ZNF280D: variants seen among roughly 807,000 people sequenced by gnomAD.
ZNF280D encodes suppressor of hairy wing homolog 4.
Under a neutral mutation model 94.7 loss-of-function variants are expected in ZNF280D, and 39 were observed. The ratio of observed to expected loss-of-function variants is 0.41; its 90% CI spans 0.32 to 0.54. The LOEUF is 0.54. ZNF280D is among the 20% of genes least tolerant of loss of function. ZNF280D has a pLI of 0.22. For synonymous variants in ZNF280D, 398 were observed against 377.6 expected (o/e 1.05, Z -0.63); for missense variants, 1,090 against 1,149.3 (o/e 0.95, Z 0.75).
intron 3 of ZNF280D, among the ~76,000 whole-genome samples, chr15:56,704,824 T>C (rs1482269332): frequency 6.6e-6 from 1 of 151,696 alleles, no homozygotes; most frequent in East Asian, 1.9e-4. Context: ...CTATTAAAAA[T>C]AGAAAAAAAT....
At chr15:56,687,267 T>C (rs2056091297) in intron 9 of ZNF280D, among the ~76,000 whole-genome samples, 1 of 152,154 alleles carries the variant, frequency 6.6e-6, no homozygotes, top group African/African-American at 2.4e-5. Flanking sequence ...TTATTTAAAA[T>C]GTCATAATGT....
Position 56,733,481 on chromosome 15 carries a change from A to T in ZNF280D, c.-109T>A. 8.9e-7 allele frequency: 1 copy of T among 1,124,144 alleles called. No homozygotes were observed. Among genetic ancestry groups the T allele is most frequent in the Non-Finnish European group, 1.1e-6 (1 of 909,474 alleles). The allele number at this position is 1,124,144 out of a possible 1,614,324, so 69.6% of individuals were successfully genotyped here. On this transcript the variant is annotated 5_prime_UTR_variant, in exon 1 of 22. Coordinates refer to ENST00000267807, the MANE Select transcript of ZNF280D (RefSeq NM_017661.4). Reference sequence around the variant, plus strand: ...ACCGTGAGCGGAGCGGATCGGCCTGACTGGAGCCCTGAGGAGGAGGAGAAA... The same window carrying T: ...ACCGTGAGCGGAGCGGATCGGCCTGTCTGGAGCCCTGAGGAGGAGGAGAAA...
intron 13 of ZNF280D, among the ~76,000 whole-genome samples, chr15:56,669,207 T>G (rs933402077): frequency 3.9e-5 from 6 of 152,018 alleles, no homozygotes; most frequent in African/African-American, 1.4e-4. Flanking sequence ...CTAATAAAAC[T>G]TCTATTAATT....
At chr15:56,703,917 G>C (rs572789496) in intron 4 of ZNF280D, among the ~76,000 whole-genome samples, 1 of 152,032 alleles carries the variant, frequency 6.6e-6, no homozygotes, top group East Asian at 1.9e-4. Context: ...AATCTCAGAA[G>C]ACCTCCAGGG....
At chr15:56,710,165 G>C (rs2057675931) in intron 1 of ZNF280D, among the ~76,000 whole-genome samples, 1 of 152,188 alleles carries the variant, frequency 6.6e-6, no homozygotes, top group African/African-American at 2.4e-5. Flanking sequence ...CACTTTGGGA[G>C]GCCGAGGCGG....
intron 1 of ZNF280D, among the ~76,000 whole-genome samples, chr15:56,717,911 A>C (rs1028627292): frequency 6.6e-6 from 1 of 152,164 alleles, no homozygotes. Flanking sequence ...AACAATTAGC[A>C]GTTAAAATAT....
At chr15:56,636,883 G>C (rs2052381345) in intron 20 of ZNF280D, among the ~76,000 whole-genome samples, 1 of 152,102 alleles carries the variant, frequency 6.6e-6, no homozygotes, top group Non-Finnish European at 1.5e-5. Flanking sequence ...GCCTCCCAAA[G>C]TGCTGGGATT....
At chr15:56,698,382 T>G (rs1216890982) in intron 6 of ZNF280D, 2 of 152,142 alleles carry the variant, frequency 1.3e-5, no homozygotes, top group African/African-American at 4.8e-5. Flanking sequence ...CGGTGGCAAA[T>G]GAGTTTTCCA....
chr15:56,705,251 A>C (rs2057336575), intron 3 of ZNF280D, among the ~76,000 whole-genome samples: 1 of 152,200 alleles, frequency 6.6e-6, no homozygotes, highest in Non-Finnish European at 1.5e-5. Context: ...CAAATCTAAT[A>C]ATTAAAAATA....
chr15:56,722,075 T>C (rs78139793), intron 1 of ZNF280D, among the ~76,000 whole-genome samples: 1 of 152,268 alleles, frequency 6.6e-6, no homozygotes, highest in South Asian at 2.1e-4. Flanking sequence ...TCTCAGGGAA[T>C]AAGGAAGCCC....
intron 6 of ZNF280D, chr15:56,699,435 A>G (rs2056930524): frequency 3.7e-6 from 3 of 801,376 alleles, no homozygotes; most frequent in Non-Finnish European, 4.5e-6. Context: ...CACTATACAC[A>G]TGTTCATTTT....
Position 56,695,877 on chromosome 15 carries a change from A to G in ZNF280D, c.382-2662T>C, listed in dbSNP as rs920595410. 2.6e-5 allele frequency among the ~76,000 whole-genome samples: 4 copies of G among 152,148 alleles called. No individual in the cohort carries two copies. In the South Asian group the frequency reaches 6.2e-4, roughly 24 times the overall value. On this transcript the variant is annotated intron_variant, in intron 6 of 21. Transcript: ENST00000267807. Reference sequence around the variant, plus strand: ...TTCCAAGTAGAATGTTCAGTGAAAAAAGAGAAATATGTATTTGCAAATACT... The same window carrying G: ...TTCCAAGTAGAATGTTCAGTGAAAAGAGAGAAATATGTATTTGCAAATACT...
At chr15:56,646,826 T>C (rs1021424301) in intron 19 of ZNF280D, among the ~76,000 whole-genome samples, 2 of 152,164 alleles carry the variant, frequency 1.3e-5, no homozygotes, top group African/African-American at 4.8e-5. Context: ...GCAATGAAGA[T>C]ACTACAGTGA....
intron 13 of ZNF280D, among the ~76,000 whole-genome samples, chr15:56,676,027 G>T (rs768987244): frequency 1.3e-5 from 2 of 151,416 alleles, no homozygotes; most frequent in Non-Finnish European, 2.9e-5. Flanking sequence ...ATTCAAGGGA[G>T]GGGTACAAGC....
chr15:56,674,420 T>C (rs1484882152), intron 13 of ZNF280D, among the ~76,000 whole-genome samples: 1 of 152,080 alleles, frequency 6.6e-6, no homozygotes. Flanking sequence ...CTGTATTAAA[T>C]TTTTTATAAG....
At chr15:56,646,890 G>C (rs2052920011) in intron 19 of ZNF280D, among the ~76,000 whole-genome samples, 1 of 152,130 alleles carries the variant, frequency 6.6e-6, no homozygotes, top group South Asian at 2.1e-4. Flanking sequence ...GGAGATCCAA[G>C]GCAGAGAAAA....
chr15:56,661,507 G>C (rs780061172), intron 16 of ZNF280D, among the ~76,000 whole-genome samples: 5 of 152,112 alleles, frequency 3.3e-5, no homozygotes, highest in Non-Finnish European at 5.9e-5. Flanking sequence ...TTATAATGAA[G>C]TCAAGCAGAC....
intron 9 of ZNF280D, among the ~76,000 whole-genome samples, chr15:56,684,106 C>T (rs879038052): frequency 6.6e-6 from 1 of 152,244 alleles, no homozygotes; most frequent in East Asian, 1.9e-4. Context: ...AGCAGAAAGG[C>T]GGTGCTACAT....
intron 1 of ZNF280D, among the ~76,000 whole-genome samples, chr15:56,725,626 G>C (rs576224750): frequency 6.6e-6 from 1 of 151,998 alleles, no homozygotes; most frequent in African/African-American, 2.4e-5. Flanking sequence ...GGAGGACCTA[G>C]TAGAATCCTT....
Sources: gnomAD v4.1 joint callset for allele counts (sites outside exome capture counted in the v4.1 genomes callset) on GRCh38, gnomAD v4.1.1 for gene constraint, MANE v1.5 for transcripts, NCBI Gene and HGNC (gene_info 2026-07-23, HGNC 2026-07-21) for gene names.